The following POLD1 variants were observed in gnomAD, a reference collection of about 807,000 sequenced individuals.
POLD1 encodes DNA polymerase delta catalytic subunit.
A neutral mutation model predicts 129.7 loss-of-function variants in POLD1; 79 were observed. That is an observed-to-expected ratio of 0.61 (90% CI 0.51 to 0.73). The LOEUF is 0.73. Among genes scored for constraint, POLD1 ranks in the 30% least tolerant of loss-of-function variants. The pLI, the probability that POLD1 is intolerant of heterozygous loss-of-function variation, is 0.00. For synonymous variants in POLD1, 714 were observed against 683.3 expected, an observed-to-expected ratio of 1.04 and a Z score of -0.70; for missense variants, 1,338 against 1,595.8, an observed-to-expected ratio of 0.84 and a Z score of 2.75.
At position 50,397,984 on chromosome 19, in the gene POLD1, G is replaced by T. The variant is rs527743364; in HGVS notation, c.-1-867G>T. ...GCACTACGTGCTAACATGTGGAGGG[G>T]TATGGGATCTGCAAGGAACTCTCAA... On this transcript the variant is annotated intron_variant, in intron 1 of 26. Coordinates refer to ENST00000440232, the MANE Select transcript of POLD1 (RefSeq NM_002691.4). 2.0e-5 allele frequency among the ~76,000 whole-genome samples: 3 copies of T among 152,280 alleles called. No homozygotes were observed. The East Asian group carries it at 5.8e-4, about 29-fold the overall frequency.
chr19:50,407,210 C>T, intron 13 of POLD1, 36 bp downstream of exon 13: 1 of 1,575,690 alleles, frequency 6.3e-7, no homozygotes, highest in Non-Finnish European at 8.7e-7. Flanking sequence ...CACCCCCCAC[C>T]AGGCACGTCT....
In POLD1 at chr19:50,402,203, A is replaced by C. The variant is rs758877520; in HGVS notation, c.590-2A>C. On this transcript the variant is annotated splice_acceptor_variant, in intron 5 of 26. Transcript: ENST00000440232. LOFTEE classifies it high-confidence loss of function. ...GCTGGTCCCAGCTTCTTCCATCCAC[A>C]GGCATGTTTGGGTACCACGGGCACG... 6.3e-7 allele frequency: 1 copy of C among 1,582,878 alleles called. No individual in the cohort carries two copies.
chr19:50,390,033 C>G (rs1241499821), intron 1 of POLD1, among the ~76,000 whole-genome samples: 1 of 151,606 alleles, frequency 6.6e-6, no homozygotes, highest in Non-Finnish European at 1.5e-5. Flanking sequence ...CTCAGCCTCC[C>G]GAGTAGCTAG....
intron 10 of POLD1, among the ~76,000 whole-genome samples, chr19:50,405,057 G>T (rs1247985236): frequency 6.6e-6 from 1 of 151,874 alleles, no homozygotes; most frequent in South Asian, 2.1e-4. Flanking sequence ...GAGCCACCGC[G>T]CCTGGCCTAT....
At position 50,413,852 on chromosome 19, in the gene POLD1, G is replaced by T; in HGVS notation, c.2361G>T (p.Pro787=). 6.2e-7 allele frequency: 1 copy of T among 1,608,364 alleles called. No homozygotes were observed. The highest frequency in any genetic ancestry group is 8.5e-7 in the Non-Finnish European group (1 of 1,177,234). ...CGGACTGGGTGTCAGGTCACTTCCCGTCGCCCATCCGGCTGGAGTTTGAGA... is the reference window on the plus strand; with the variant it reads ...CGGACTGGGTGTCAGGTCACTTCCCTTCGCCCATCCGGCTGGAGTTTGAGA... ...EAADWVSGHF[P]SPIRLEFEKV... Residue 787 remains proline, a synonymous_variant, in exon 19 of 27, where the codon CCG becomes CCT. Transcript: ENST00000440232.
At chr19:50,401,712 G>C in intron 3 of POLD1, 66 bp from the exon 4 acceptor site, 1 of 1,563,876 alleles carries the variant, frequency 6.4e-7, no homozygotes, top group East Asian at 2.2e-5. Context: ...GTATTTCGAG[G>C]CTGTGGAGAC....
rs554231090 is a variant in POLD1 at position 50,406,739 on chromosome 19, G to C, written c.1494+222G>C. On this transcript the variant is annotated intron_variant, in intron 12 of 26. Transcript: ENST00000440232. This position sits in a 1 kb window ranked among gnomAD's most constrained non-coding sequence, Gnocchi z 5.5. ...CTATGACCTTGTCTCTGCTTTCCTG[G>C]CCTGACCACAGGTCCACGGTGGCCT... Among the ~76,000 whole-genome samples the C allele has an allele frequency of 4.7e-4, 71 of 152,024 alleles. No individual in the cohort carries two copies. The highest frequency in any genetic ancestry group is 3.4e-3 in the Middle Eastern group (1 of 294).
intron 10 of POLD1, among the ~76,000 whole-genome samples, chr19:50,403,947 A>G (rs566198547): frequency 7.1e-4 from 108 of 152,016 alleles, no homozygotes; most frequent in Admixed American, 4.8e-3. Context: ...ATGGAGGAGG[A>G]GGGGGGAGTG....
Position 50,409,190 on chromosome 19 carries a change from G to T in POLD1, c.1961G>T (p.Gly654Val), listed in dbSNP as rs2039006469. ...DEFVKTSVRK[G>V]LLPQILENLL... is the part of the protein sequence containing the mutation. ...TTTGTGAAGACCTCAGTGCGGAAGGGGCTGCTGCCCCAGATCCTGGAGAAC... is the reference window on the plus strand; with the variant it reads ...TTTGTGAAGACCTCAGTGCGGAAGGTGCTGCTGCCCCAGATCCTGGAGAAC... The change falls in exon 16 of 27, where the codon GGG (glycine) becomes GTG (valine). Residue 654 changes from glycine (G) to valine (V), a missense_variant. This residue lies in a region of POLD1 where 720 missense variants were observed against 1,002.6 expected (regional missense o/e 0.72). Transcript: ENST00000440232. The surrounding 1 kb of genome is among the most constrained non-coding windows in gnomAD (Gnocchi z 5.8). 2 of 1,613,748 alleles carry T rather than the reference G, an allele frequency of 1.2e-6. No homozygotes were observed. Among genetic ancestry groups the T allele is most frequent in the Non-Finnish European group, 1.7e-6 (2 of 1,179,762 alleles).
chr19:50,397,934 G>T (rs1457736403), intron 1 of POLD1, among the ~76,000 whole-genome samples: 1 of 152,140 alleles, frequency 6.6e-6, no homozygotes. Flanking sequence ...TACTGTGCTC[G>T]GTGAAAGGAA....
Position 50,415,777 on chromosome 19 carries a change from AC to A in POLD1, c.2772del (p.Tyr924Ter), listed in dbSNP as rs2039263582. ...SAPSLGDRVPYVIISAAKGVA... is the reference protein window; with the variant it reads ...SAPSLGDRVPXVIISAAKGVA... Reference sequence around the variant, plus strand: ...CCCAGCCTGGGCGACCGCGTCCCCTACGTGATCATCAGTGCCGCCAAGGGTG... The same window carrying A: ...CCCAGCCTGGGCGACCGCGTCCCCTAGTGATCATCAGTGCCGCCAAGGGTG... On this transcript the variant is annotated frameshift_variant, in exon 22 of 27. Coordinates refer to ENST00000440232, the MANE Select transcript of POLD1 (RefSeq NM_002691.4). LOFTEE classifies it high-confidence loss of function. 6.4e-7 allele frequency: 1 copy of A among 1,570,244 alleles called. No homozygotes were observed. Among genetic ancestry groups the A allele is most frequent in the Non-Finnish European group, 8.6e-7 (1 of 1,160,526 alleles).
intron 20 of POLD1, among the ~76,000 whole-genome samples, 195 bp from the exon 21 acceptor site, chr19:50,415,243 G>GGT (rs1214916355): frequency 3.3e-5 from 5 of 152,152 alleles, no homozygotes; most frequent in Non-Finnish European, 1.5e-5. Flanking sequence ...GTGAAGCAGT[G>GGT]GAAAGAGTCG....
At chr19:50,397,403 C>CTTTT (rs1212103062) in intron 1 of POLD1, among the ~76,000 whole-genome samples, 28 of 133,634 alleles carry the variant, frequency 2.1e-4, no homozygotes, top group African/African-American at 5.4e-4. Flanking sequence ...GAGATTCTGT[C>CTTTT]TTTTTTTTTT....
At chr19:50,407,946 G>A (rs1006521679) in intron 14 of POLD1, among the ~76,000 whole-genome samples, 11 of 151,828 alleles carry the variant, frequency 7.2e-5, no homozygotes, top group Non-Finnish European at 1.6e-4. Flanking sequence ...GCTGAGCTGG[G>A]AGGATGATGA....
chr19:50,403,677 T>C, intron 10 of POLD1, 80 bp downstream of exon 10: 1 of 888,940 alleles, frequency 1.1e-6, no homozygotes, highest in South Asian at 1.3e-5. Flanking sequence ...TCCCACTCCC[T>C]CTCCACATGG....
intron 1 of POLD1, chr19:50,387,776 A>AGAGCC (rs1209191919): frequency 6.6e-6 from 1 of 152,470 alleles, no homozygotes; most frequent in African/African-American, 2.4e-5. Context: ...ACCCGAAGCC[A>AGAGCC]GAGCCGCTAA....
At chr19:50,412,483 ATCATT>A (rs758970328) in intron 17 of POLD1, among the ~76,000 whole-genome samples, 108 of 152,168 alleles carry the variant, frequency 7.1e-4, no homozygotes, top group Admixed American at 4.8e-3. Context: ...AAAAAATTGA[ATCATT>A]TCAGGAAAAG....
rs753299061 is a variant in POLD1 at position 50,402,022 on chromosome 19, G to A, written c.487G>A (p.Asp163Asn). Residue 163 changes from aspartate (D) to asparagine (N), a missense_variant, in exon 5 of 27, where the codon GAC becomes AAC. Physicochemically the swap from Asp to Asn is conservative, Grantham distance 23. Coordinates refer to ENST00000440232, the MANE Select transcript of POLD1 (RefSeq NM_002691.4). Reference sequence around the variant, plus strand: ...AGGTTTCGGGCCCGAGCACATGGGTGACCTGCAACGGGAGCTGAACTTGGC... The same window carrying A: ...AGGTTTCGGGCCCGAGCACATGGGTAACCTGCAACGGGAGCTGAACTTGGC... ...PPGFGPEHMGDLQRELNLAIS... is the reference protein window; with the variant it reads ...PPGFGPEHMGNLQRELNLAIS... 1 of 1,614,096 alleles carries A rather than the reference G, an allele frequency of 6.2e-7. No individual in the cohort carries two copies. Among genetic ancestry groups the A allele is most frequent in the South Asian group, 1.1e-5 (1 of 91,068 alleles).
rs757575448 is a variant in POLD1 at position 50,398,983 on chromosome 19, G to A, written c.132G>A (p.Met44Ile). Reference protein sequence around the residue: ...FEEDLALMEEMEAEHRLQEQE... With the variant: ...FEEDLALMEEIEAEHRLQEQE... The stretch of plus-strand genomic sequence containing the variant: ...AGGACCTGGCACTGATGGAGGAGAT[G>A]GAGGCAGAACACAGGCTGCAGGAGC... Residue 44 changes from methionine (M) to isoleucine (I), a missense_variant, in exon 2 of 27, where the codon ATG becomes ATA. Physicochemically the swap from Met to Ile is conservative, Grantham distance 10. Coordinates refer to ENST00000440232, the MANE Select transcript of POLD1 (RefSeq NM_002691.4). The A allele has an allele frequency of 3.2e-5, 50 of 1,572,250 alleles. No homozygotes were observed. Among genetic ancestry groups the A allele is most frequent in the Non-Finnish European group, 3.7e-5 (43 of 1,158,786 alleles).
Sources: gnomAD v4.1 joint callset for allele counts (sites outside exome capture counted in the v4.1 genomes callset) on GRCh38, gnomAD v4.1.1 for gene constraint, gnomAD v4.1.1 regional missense constraint, Gnocchi (gnomAD v3.1) non-coding constraint, MANE v1.5 for transcripts, NCBI Gene and HGNC (gene_info 2026-07-23, HGNC 2026-07-21) for gene names.